Variants in CDCA7L observed in about 807,000 individuals in gnomAD.
The protein encoded by CDCA7L is cell division cycle associated 7 like.
In CDCA7L, 44 loss-of-function variants were observed where a neutral mutation model predicts 57.4. The observed-to-expected ratio is 0.77, with a 90% CI of 0.60 to 0.98. The LOEUF (loss-of-function observed/expected upper bound fraction) is 0.98, where lower values mean the gene tolerates loss of function less well. CDCA7L is among the 50% of genes least tolerant of loss of function. The probability of loss-of-function intolerance (pLI) is 0.00; values close to 1 mark genes in which losing one functional copy is unlikely to be tolerated. For synonymous variants in CDCA7L, 236 were observed against 202.8 expected (o/e 1.16, Z -1.39); for missense variants, 644 against 580.6 (o/e 1.11, Z -1.12).
rs746581280 is a variant in CDCA7L at position 21,908,454 on chromosome 7, T to C, written c.357A>G (p.Glu119=). The change falls in exon 4 of 10, where the codon GAA becomes GAG. Residue 119 remains glutamate, a synonymous_variant. Coordinates refer to ENST00000406877, the MANE Select transcript of CDCA7L (RefSeq NM_018719.5). ...CCTTATCTTCTTCTTCATCTTCCTC[T>C]TCCTCGCTCACCAAAGATGCTTTGC... ...DDGKASLVSE[E]EEDEEEDKAT... The C allele has an allele frequency of 6.4e-7, 1 of 1,562,172 alleles. No individual in the cohort carries two copies. The highest frequency in any genetic ancestry group is 8.6e-7 in the Non-Finnish European group (1 of 1,161,696).
At chr7:21,933,720 G>A (rs1786083804) in intron 1 of CDCA7L, among the ~76,000 whole-genome samples, 1 of 151,960 alleles carries the variant, frequency 6.6e-6, no homozygotes, top group African/African-American at 2.4e-5. Flanking sequence ...GTTAATGGGT[G>A]CAGCAAACCA....
At chr7:21,903,923 G>T in intron 8 of CDCA7L, 187 bp downstream of exon 8, 1 of 487,536 alleles carries the variant, frequency 2.1e-6, no homozygotes, top group Non-Finnish European at 3.5e-6. Context: ...CTATTCACTG[G>T]TCAGCTTGCT....
At chr7:21,941,049 G>A (rs1174905353) in intron 1 of CDCA7L, among the ~76,000 whole-genome samples, 1 of 152,058 alleles carries the variant, frequency 6.6e-6, no homozygotes, top group African/African-American at 2.4e-5. Flanking sequence ...AATGCCCTAG[G>A]AAAACAATGT....
At chr7:21,915,870 C>G (rs750792694) in intron 2 of CDCA7L, among the ~76,000 whole-genome samples, 8 of 151,960 alleles carry the variant, frequency 5.3e-5, no homozygotes, top group Non-Finnish European at 8.8e-5. Flanking sequence ...AAAGGTGTAA[C>G]AGAGAGGAAG....
At chr7:21,921,408 G>T (rs1785649290) in intron 1 of CDCA7L, among the ~76,000 whole-genome samples, 1 of 146,882 alleles carries the variant, frequency 6.8e-6, no homozygotes, top group Admixed American at 6.8e-5. Context: ...TTGTCTAACA[G>T]ATGCAACAAA....
At chr7:21,930,194 G>A (rs1785961846) in intron 1 of CDCA7L, among the ~76,000 whole-genome samples, 1 of 152,150 alleles carries the variant, frequency 6.6e-6, no homozygotes, top group South Asian at 2.1e-4. Flanking sequence ...CATTGAAACT[G>A]AACAACCTGC....
At chr7:21,921,884 G>A (rs1002236189) in intron 1 of CDCA7L, among the ~76,000 whole-genome samples, 1 of 151,922 alleles carries the variant, frequency 6.6e-6, no homozygotes, top group African/African-American at 2.4e-5. Flanking sequence ...GTTTCTGTTT[G>A]TCTACTCTGT....
At chr7:21,930,944 G>A (rs1353622120) in intron 1 of CDCA7L, among the ~76,000 whole-genome samples, 1 of 151,898 alleles carries the variant, frequency 6.6e-6, no homozygotes, top group Non-Finnish European at 1.5e-5. Flanking sequence ...ATGATAAAGG[G>A]GGTATCACCA....
intron 1 of CDCA7L, among the ~76,000 whole-genome samples, chr7:21,934,736 C>T (rs940914535): frequency 6.6e-6 from 1 of 152,048 alleles, no homozygotes; most frequent in African/African-American, 2.4e-5. Flanking sequence ...GAAAAAGATA[C>T]TCGATGCAAA....
chr7:21,938,916 G>T (rs1269443611), intron 1 of CDCA7L, among the ~76,000 whole-genome samples: 1 of 151,906 alleles, frequency 6.6e-6, no homozygotes, highest in Non-Finnish European at 1.5e-5. Context: ...AGGTTGCAGT[G>T]GGAGGATCAC....
At chr7:21,905,226 A>G (rs908837391) in intron 7 of CDCA7L, among the ~76,000 whole-genome samples, 12 of 85,956 alleles carry the variant, frequency 1.4e-4, no homozygotes, top group Admixed American at 7.3e-4. Flanking sequence ...CTATATGCTT[A>G]AACCATTAAC....
chr7:21,900,951 CA>C lies in CDCA7L; in HGVS notation c.*1370del. ...TATTGCATCAAACAACTTACTTGAT[CA>C]TTATCATTAGTAGCAAGCTGCCACA... On this transcript the variant is annotated 3_prime_UTR_variant, in exon 10 of 10. Coordinates refer to ENST00000406877, the MANE Select transcript of CDCA7L (RefSeq NM_018719.5). 1 of 1,504,112 alleles carries C rather than the reference CA, an allele frequency of 6.6e-7. No individual in the cohort carries two copies. Among genetic ancestry groups the C allele is most frequent in the Non-Finnish European group, 8.9e-7 (1 of 1,127,600 alleles). The allele number at this position is 1,504,112 out of a possible 1,614,324, so 93.2% of individuals were successfully genotyped here.
intron 1 of CDCA7L, among the ~76,000 whole-genome samples, chr7:21,926,232 TA>T (rs35351234): frequency 0.36 from 55,047 of 151,648 alleles, 10,933 homozygotes; most frequent in East Asian, 0.63. Context: ...CAGCAGTTAA[TA>T]AAAAAAATAC....
chr7:21,921,606 T>C (rs1785655771), intron 1 of CDCA7L, among the ~76,000 whole-genome samples: 1 of 151,850 alleles, frequency 6.6e-6, no homozygotes, highest in Non-Finnish European at 1.5e-5. Flanking sequence ...TTTTTTTTTT[T>C]TTCAAAGTTT....
chr7:21,927,620 GGATGAA>G (rs1785868378), intron 1 of CDCA7L, among the ~76,000 whole-genome samples: 2 of 152,150 alleles, frequency 1.3e-5, no homozygotes, highest in Non-Finnish European at 2.9e-5. Context: ...ATACGACAGT[GGATGAA>G]AACTCCCCAA....
chr7:21,937,201 G>A (rs1200273853), intron 1 of CDCA7L, among the ~76,000 whole-genome samples: 3 of 152,174 alleles, frequency 2.0e-5, no homozygotes, highest in Non-Finnish European at 4.4e-5. Context: ...TTAATATAAG[G>A]TGACAATACT....
At chr7:21,935,322 G>C (rs906980406) in intron 1 of CDCA7L, among the ~76,000 whole-genome samples, 3 of 152,090 alleles carry the variant, frequency 2.0e-5, no homozygotes, top group African/African-American at 7.2e-5. Flanking sequence ...AGGGAAATTA[G>C]AAAATACTTT....
Position 21,904,537 on chromosome 7 carries a change from T to A in CDCA7L, c.1048-278A>T, listed in dbSNP as rs111817634. 0.011 allele frequency among the ~76,000 whole-genome samples: 1,726 copies of A among 152,274 alleles called. 27 individuals are homozygous for A. Among genetic ancestry groups the A allele is most frequent in the African/African-American group, 0.039 (1,635 of 41,554 alleles). On this transcript the variant is annotated intron_variant, in intron 7 of 9. Transcript: ENST00000406877. ...CGCCTGAGCTCTGCCTCCTGTCAGA[T>A]CAGCAGCAGCATTAGATTCTCATAG...
At chr7:21,910,460 G>T (rs931668164) in intron 3 of CDCA7L, among the ~76,000 whole-genome samples, 1 of 152,182 alleles carries the variant, frequency 6.6e-6, no homozygotes, top group African/African-American at 2.4e-5. Context: ...ACAAGTGAGG[G>T]ACATGGCAGG....
Sources: gnomAD v4.1 joint callset for allele counts (sites outside exome capture counted in the v4.1 genomes callset) on GRCh38, gnomAD v4.1.1 for gene constraint, MANE v1.5 for transcripts, NCBI Gene and HGNC (gene_info 2026-07-23, HGNC 2026-07-21) for gene names.